Variants in CFAP95 observed in about 807,000 individuals in gnomAD.
The protein encoded by CFAP95 is cilia- and flagella-associated protein 95.
the CFAP95 span, among the ~76,000 whole-genome samples, chr9:69,843,631 C>CTTCTTCTTCT: frequency 1.1e-3 from 51 of 44,568 alleles, 5 homozygotes; most frequent in East Asian, 4.9e-3. Context: ...CTTCTTCTTC[C>CTTCTTCTTCT]TCCTCCTCCT....
the CFAP95 span, chr9:69,886,845 T>C: frequency 6.2e-7 from 1 of 1,612,974 alleles, no homozygotes. Context: ...TAGGTGTGCA[T>C]TGACAACGTA....
the CFAP95 span, among the ~76,000 whole-genome samples, chr9:69,865,092 C>T: frequency 1.3e-5 from 2 of 152,088 alleles, no homozygotes; most frequent in Non-Finnish European, 2.9e-5. Context: ...ATGCTGTTCT[C>T]TTGATAGTGA....
chr9:69,882,031 G>T, the CFAP95 span, among the ~76,000 whole-genome samples: 3 of 150,422 alleles, frequency 2.0e-5, no homozygotes, highest in Non-Finnish European at 2.9e-5. Context: ...CACCCAGGGT[G>T]GAATGCAGTA....
chr9:69,891,141 A>T, the CFAP95 span, among the ~76,000 whole-genome samples: 3 of 152,174 alleles, frequency 2.0e-5, no homozygotes, highest in South Asian at 6.2e-4. Flanking sequence ...TTTAACAGAG[A>T]ATTGTTTCAC....
chr9:69,828,834 A>G, the CFAP95 span, among the ~76,000 whole-genome samples: 1 of 152,198 alleles, frequency 6.6e-6, no homozygotes, highest in African/African-American at 2.4e-5. Flanking sequence ...TGCTACTTCT[A>G]CATTTTCCAT....
the CFAP95 span, among the ~76,000 whole-genome samples, chr9:69,841,001 G>A: frequency 6.6e-6 from 1 of 151,214 alleles, no homozygotes; most frequent in African/African-American, 2.4e-5. Context: ...TAAGAATCTA[G>A]TTATCATGAA....
At chr9:69,843,538 TCCTCCTCCTCCTCCTCCTC>T in the CFAP95 span, among the ~76,000 whole-genome samples, 12 of 26,896 alleles carry the variant, frequency 4.5e-4, no homozygotes, top group African/African-American at 1.5e-3. Context: ...CTCCTCCTCC[TCCTCCTCCTCCTCCTCCTC>T]CTTCTTCTTC....
chr9:69,836,689 C>CTTTT, the CFAP95 span, among the ~76,000 whole-genome samples: 2 of 126,874 alleles, frequency 1.6e-5, no homozygotes, highest in Non-Finnish European at 3.3e-5. Context: ...GCTTCAATTT[C>CTTTT]TTTTTTTTTT....
the CFAP95 span, among the ~76,000 whole-genome samples, chr9:69,862,068 C>T: frequency 1.3e-5 from 2 of 152,290 alleles, no homozygotes; most frequent in South Asian, 4.1e-4. Flanking sequence ...AAGGGAAAGA[C>T]TATCACAATT....
the CFAP95 span, among the ~76,000 whole-genome samples, chr9:69,879,324 A>G: frequency 6.6e-6 from 1 of 152,158 alleles, no homozygotes; most frequent in Non-Finnish European, 1.5e-5. Flanking sequence ...ATTGTTGACC[A>G]AAAGATCACC....
the CFAP95 span, among the ~76,000 whole-genome samples, chr9:69,880,579 C>T: frequency 2.6e-5 from 4 of 152,182 alleles, no homozygotes; most frequent in Non-Finnish European, 5.9e-5. Context: ...TCTTAGGTTA[C>T]TTCCAAATCT....
chr9:69,893,295 C>T, the CFAP95 span, among the ~76,000 whole-genome samples: 3 of 152,260 alleles, frequency 2.0e-5, no homozygotes, highest in South Asian at 2.1e-4. Context: ...ATGAGTCCCA[C>T]GAAAGGGTCA....
the CFAP95 span, among the ~76,000 whole-genome samples, chr9:69,892,269 G>A: frequency 6.6e-6 from 1 of 152,184 alleles, no homozygotes; most frequent in Non-Finnish European, 1.5e-5. Context: ...TCTGCGTTCT[G>A]TGTCTGATGG....
the CFAP95 span, among the ~76,000 whole-genome samples, chr9:69,830,405 AT>A: frequency 6.6e-6 from 1 of 152,128 alleles, no homozygotes; most frequent in East Asian, 1.9e-4. Context: ...GGAATAGCAA[AT>A]TTTACACACT....
the CFAP95 span, among the ~76,000 whole-genome samples, chr9:69,896,078 T>C: frequency 1.3e-5 from 2 of 152,344 alleles, no homozygotes; most frequent in East Asian, 1.9e-4. Context: ...ACAGTGAACA[T>C]ATAAAACTTT....
chr9:69,903,427 C>A, the CFAP95 span, among the ~76,000 whole-genome samples: 1 of 152,148 alleles, frequency 6.6e-6, no homozygotes, highest in African/African-American at 2.4e-5. Flanking sequence ...AAACCACATC[C>A]CTGCTACACC....
the CFAP95 span, among the ~76,000 whole-genome samples, chr9:69,837,839 T>G: frequency 6.6e-6 from 1 of 152,230 alleles, no homozygotes; most frequent in Middle Eastern, 3.2e-3. Context: ...TGCCTAGGTT[T>G]TCTTCTAGGG....
chr9:69,844,620 TC>T, the CFAP95 span: 1 of 1,606,928 alleles, frequency 6.2e-7, no homozygotes, highest in Non-Finnish European at 8.5e-7. Flanking sequence ...AACCGATGAA[TC>T]CCCAGTAAGT....
At chr9:69,865,147 C>G in the CFAP95 span, among the ~76,000 whole-genome samples, 4 of 152,100 alleles carry the variant, frequency 2.6e-5, no homozygotes, top group African/African-American at 9.7e-5. Context: ...GCCTTTTCCC[C>G]CTTTGCTCAC....
Sources: allele counts gnomAD v4.1 joint callset (sites outside exome capture counted in the v4.1 genomes callset), GRCh38; gene constraint gnomAD v4.1.1; transcripts MANE v1.5; gene names NCBI Gene and HGNC (gene_info 2026-07-23, HGNC 2026-07-21).